Variants in CS observed in about 807,000 individuals in gnomAD.
CS encodes the protein citrate synthase, mitochondrial.
Under a neutral mutation model 61.4 loss-of-function variants are expected in CS, and 13 were observed. The ratio of observed to expected loss-of-function variants is 0.21; its 90% CI spans 0.14 to 0.34. The LOEUF is 0.34. Ranked by LOEUF, CS falls within the 10% of genes least tolerant of loss-of-function variation. The pLI, the probability that CS is intolerant of heterozygous loss-of-function variation, is 1.00. For synonymous variants in CS, 159 were observed against 215.2 expected (o/e 0.74, Z 2.29); for missense variants, 278 against 573.4 (o/e 0.48, Z 5.26).
chr12:56,286,509 G>C, intron 2 of CS, 86 bp downstream of exon 2: 1 of 1,056,330 alleles, frequency 9.5e-7, no homozygotes. Flanking sequence ...AGGATAATAA[G>C]AGGCCAGGTG....
intron 1 of CS, among the ~76,000 whole-genome samples, chr12:56,289,908 GT>G (rs1473778156): frequency 1.3e-5 from 2 of 151,742 alleles, no homozygotes; most frequent in Non-Finnish European, 2.9e-5. Context: ...GTTTTGTTTT[GT>G]TTTGAGACCG....
intron 1 of CS, among the ~76,000 whole-genome samples, chr12:56,297,271 A>G (rs1873334583): frequency 6.6e-6 from 1 of 152,232 alleles, no homozygotes; most frequent in Admixed American, 6.6e-5. Flanking sequence ...TCATCTGTGA[A>G]AAGACATTTT....
intron 3 of CS, chr12:56,285,268 G>T: frequency 2.2e-6 from 1 of 446,676 alleles, no homozygotes; most frequent in Non-Finnish European, 4.5e-6. Context: ...TTTTTAAGTT[G>T]AGAAATCACT....
chr12:56,298,977 G>A (rs138101102), intron 1 of CS, among the ~76,000 whole-genome samples: 22 of 152,136 alleles, frequency 1.4e-4, no homozygotes, highest in Middle Eastern at 3.4e-3. Context: ...AGGAGGTGGA[G>A]GCTGCAGGGA....
chr12:56,273,965 C>G, intron 9 of CS, 169 bp from the exon 10 acceptor site: 1 of 606,294 alleles, frequency 1.6e-6, no homozygotes, highest in Non-Finnish European at 2.9e-6. Context: ...TCCAGAGTAG[C>G]TGGGACCACA....
intron 9 of CS, 63 bp from the exon 10 acceptor site, chr12:56,273,859 G>A (rs1325328474): frequency 1.6e-5 from 23 of 1,405,608 alleles, no homozygotes; most frequent in South Asian, 3.5e-5. Context: ...TTCGAGACAG[G>A]ATCTCACTCT....
At chr12:56,282,706 G>C (rs1428267935) in intron 5 of CS, 98 bp from the exon 6 acceptor site, 1 of 1,518,868 alleles carries the variant, frequency 6.6e-7, no homozygotes, top group African/African-American at 1.4e-5. Context: ...ACCCAAGAGA[G>C]GTCAACCCAA....
At chr12:56,276,265 C>A (rs767489055) in intron 6 of CS, 70 bp from the exon 7 acceptor site, 1 of 1,460,536 alleles carries the variant, frequency 6.8e-7, no homozygotes, top group Non-Finnish European at 9.5e-7. Context: ...GCAGGGATAT[C>A]GTCTGTCCTC....
At chr12:56,275,788 T>G in intron 7 of CS, 1 of 589,128 alleles carries the variant, frequency 1.7e-6, no homozygotes, top group South Asian at 2.0e-5. Context: ...AGCACCATCT[T>G]GTTCTTAGCA....
In CS at chr12:56,272,465, A is replaced by AT. The variant is rs1454540328; in HGVS notation, c.*618dup. The AT allele has an allele frequency of 6.6e-6, 1 of 152,160 alleles. No individual in the cohort carries two copies. The highest frequency in any genetic ancestry group is 1.5e-5 in the Non-Finnish European group (1 of 68,188). 9.4% of individuals were successfully genotyped at this position (152,160 alleles called of 1,614,324 possible). A position where few individuals can be genotyped will look rare whatever the true frequency, so the allele number is the denominator to read the frequency against. ...AGAACACTCCCAGACCTTAATTTTA[A>AT]TTGGATAGTTTTAAAAAAAAAATCA... On this transcript the variant is annotated 3_prime_UTR_variant, in exon 11 of 11. Coordinates refer to ENST00000351328, the MANE Select transcript of CS (RefSeq NM_004077.3).
intron 6 of CS, among the ~76,000 whole-genome samples, chr12:56,280,429 A>AAC (rs1250386959): frequency 2.8e-5 from 4 of 142,792 alleles, no homozygotes; most frequent in African/African-American, 1.0e-4. Flanking sequence ...AAAAAACAAA[A>AAC]AAAAAAAACA....
rs71081343 is a variant in CS at position 56,295,951 on chromosome 12, CAAAAAAAAAA to C, written c.42+4199_42+4208del. Among the ~76,000 whole-genome samples the C allele has an allele frequency of 8.6e-4, 35 of 40,502 alleles. 2 individuals carry two copies. Among genetic ancestry groups the C allele is most frequent in the African/African-American group, 3.2e-3 (26 of 8,114 alleles). 26.6% of individuals were successfully genotyped at this position (40,502 alleles called of 152,430 possible). A position where few individuals can be genotyped will look rare whatever the true frequency, so the allele number is the denominator to read the frequency against. Reference sequence around the variant, plus strand: ...CCTAGGCGACAGAGCGAAACTGTCTCAAAAAAAAAAAAAAAAAAAAAAAAAAAAAAGAAGT... The same window carrying C: ...CCTAGGCGACAGAGCGAAACTGTCTCAAAAAAAAAAAAAAAAAAAAGAAGT... On this transcript the variant is annotated intron_variant, in intron 1 of 10. Transcript: ENST00000351328.
At chr12:56,275,391 G>A in intron 7 of CS, 2 of 380,520 alleles carry the variant, frequency 5.3e-6, no homozygotes, top group South Asian at 5.4e-5. Flanking sequence ...TGGCCAACAT[G>A]GTGAAACCCC....
chr12:56,298,559 T>C (rs1261633470), intron 1 of CS: 1 of 907,902 alleles, frequency 1.1e-6, no homozygotes, highest in Non-Finnish European at 1.3e-6. Flanking sequence ...TCCCCCATTC[T>C]GCCAAAACGC....
chr12:56,274,663 A>G, intron 9 of CS, 114 bp downstream of exon 9: 1 of 821,300 alleles, frequency 1.2e-6, no homozygotes, highest in Non-Finnish European at 1.9e-6. Context: ...AGGTAGATAA[A>G]TGAAGAAAAA....
chr12:56,299,917 C>T, intron 1 of CS: 1 of 459,856 alleles, frequency 2.2e-6, no homozygotes, highest in Non-Finnish European at 3.9e-6. Context: ...GCAGGGTCGG[C>T]CTCCTCACGC....
rs1382146606 is a variant in CS at position 56,300,142 on chromosome 12, C to T, written c.42+18G>A. ...AGCCCCACCCTGGGACGGCGTGCTC[C>T]CTCCCCTCGCTGCTCACCTTGGTTC... is the stretch of plus-strand genomic sequence containing the variant. On this transcript the variant is annotated intron_variant, in intron 1 of 10. Coordinates refer to ENST00000351328, the MANE Select transcript of CS (RefSeq NM_004077.3). The T allele has an allele frequency of 2.6e-6, 4 of 1,557,264 alleles. No individual in the cohort carries two copies. Among genetic ancestry groups the T allele is most frequent in the African/African-American group, 2.7e-5 (2 of 73,082 alleles).
intron 6 of CS, among the ~76,000 whole-genome samples, chr12:56,278,328 A>G (rs1032570756): frequency 2.6e-5 from 4 of 152,080 alleles, no homozygotes; most frequent in Non-Finnish European, 4.4e-5. Flanking sequence ...GGGTTTCACC[A>G]TATTGGCCAG....
chr12:56,291,263 G>T, intron 1 of CS: 1 of 1,110,834 alleles, frequency 9.0e-7, no homozygotes, highest in Non-Finnish European at 1.1e-6. Context: ...CCAGGAAAGA[G>T]GCAGTCAAGC....
Sources: allele counts gnomAD v4.1 joint callset (sites outside exome capture counted in the v4.1 genomes callset), GRCh38; gene constraint gnomAD v4.1.1; transcripts MANE v1.5; gene names NCBI Gene and HGNC (gene_info 2026-07-23, HGNC 2026-07-21).